MDGA2: variants seen among roughly 807,000 people sequenced by gnomAD.
MDGA2 encodes the protein MAM domain containing glycosylphosphatidylinositol anchor 2.
MDGA2 carries 40 observed loss-of-function variants against 117.8 expected under a neutral mutation model. That is an observed-to-expected ratio of 0.34 (90% confidence interval 0.26 to 0.44). The LOEUF (loss-of-function observed/expected upper bound fraction) is 0.44. Among genes scored for constraint, MDGA2 ranks in the 20% least tolerant of loss-of-function variants. The pLI is 1.00. For synonymous variants in MDGA2, 452 were observed against 439.0 expected (o/e 1.03, Z -0.37); for missense variants, 1,123 against 1,250.6 (o/e 0.90, Z 1.54).
intron 9 of MDGA2, among the ~76,000 whole-genome samples, chr14:46,926,157 C>T (rs1959813): frequency 0.63 from 96,150 of 151,954 alleles, 31,056 homozygotes; most frequent in African/African-American, 0.76. Context: ...TCTGAAATGA[C>T]TTTAACCAGT....
intron 3 of MDGA2, among the ~76,000 whole-genome samples, chr14:47,183,508 T>C (rs776535493): frequency 2.0e-5 from 3 of 152,136 alleles, no homozygotes; most frequent in Non-Finnish European, 4.4e-5. Flanking sequence ...TAGTTTACCT[T>C]TTCCTCCTAC....
intron 1 of MDGA2, among the ~76,000 whole-genome samples, chr14:47,507,201 T>A (rs1175518526): frequency 6.6e-6 from 1 of 152,068 alleles, no homozygotes; most frequent in Non-Finnish European, 1.5e-5. Context: ...AGAATCATGG[T>A]TATAACAAAG....
At chr14:47,603,721 G>A (rs1414956029) in intron 1 of MDGA2, among the ~76,000 whole-genome samples, 2 of 151,980 alleles carry the variant, frequency 1.3e-5, no homozygotes, top group Non-Finnish European at 2.9e-5. Context: ...TGATTTGGAT[G>A]TGTCCCCTCT....
intron 1 of MDGA2, among the ~76,000 whole-genome samples, chr14:47,575,935 G>C (rs1286943584): frequency 6.6e-6 from 1 of 152,024 alleles, no homozygotes; most frequent in Non-Finnish European, 1.5e-5. Context: ...GATGCATTTT[G>C]GAATTCAGTG....
chr14:47,339,287 CAA>C (rs1289536333), intron 1 of MDGA2, among the ~76,000 whole-genome samples: 1 of 151,970 alleles, frequency 6.6e-6, no homozygotes. Flanking sequence ...ACAAATAATA[CAA>C]AAAGAGATTT....
chr14:47,001,024 AC>A (rs1291278208), intron 8 of MDGA2, among the ~76,000 whole-genome samples: 8 of 152,076 alleles, frequency 5.3e-5, no homozygotes, highest in Admixed American at 1.3e-4. Context: ...AACATAAAAT[AC>A]TCAGACTTCG....
chr14:47,375,343 T>TTAAC (rs1891454087), intron 1 of MDGA2, among the ~76,000 whole-genome samples: 1 of 152,036 alleles, frequency 6.6e-6, no homozygotes, highest in African/African-American at 2.4e-5. Context: ...TAAAACCCAC[T>TTAAC]TAACGTCTTC....
chr14:47,488,383 A>T lies in MDGA2; in HGVS notation c.280+186134T>A, dbSNP rs140103821. ...TTTTGTTCATGCACCAGATTCAGGGAAATTATTATACTCTTTGACATCCCA... is the reference window on the plus strand; with the variant it reads ...TTTTGTTCATGCACCAGATTCAGGGTAATTATTATACTCTTTGACATCCCA... On this transcript the variant is annotated intron_variant, in intron 1 of 16. Transcript: ENST00000399232. Among the ~76,000 whole-genome samples, 185 of 152,260 alleles carry T rather than the reference A, an allele frequency of 1.2e-3. 1 individual carries two copies. The highest frequency in any genetic ancestry group is 4.3e-3 in the African/African-American group (179 of 41,582).
chr14:47,213,305 T>G (rs1251126945), intron 3 of MDGA2, among the ~76,000 whole-genome samples: 1 of 152,180 alleles, frequency 6.6e-6, no homozygotes, highest in African/African-American at 2.4e-5. Flanking sequence ...CCTGTGCCAT[T>G]TTGATTCCTA....
At chr14:47,357,162 C>A (rs1053169225) in intron 1 of MDGA2, among the ~76,000 whole-genome samples, 1 of 152,156 alleles carries the variant, frequency 6.6e-6, no homozygotes, top group African/African-American at 2.4e-5. Flanking sequence ...ATGTAATATA[C>A]CTAGGACAGT....
intron 2 of MDGA2, among the ~76,000 whole-genome samples, chr14:47,241,471 T>C (rs1159760863): frequency 6.6e-6 from 1 of 151,924 alleles, no homozygotes; most frequent in Non-Finnish European, 1.5e-5. Context: ...AATTATTGTG[T>C]TTGTTTTTTG....
At chr14:47,511,493 T>C (rs572779307) in intron 1 of MDGA2, among the ~76,000 whole-genome samples, 16 of 152,260 alleles carry the variant, frequency 1.1e-4, no homozygotes, top group African/African-American at 3.8e-4. Context: ...AGAGATTGTT[T>C]TGTTTATAAC....
At chr14:47,112,229 CT>C (rs1227447008) in intron 5 of MDGA2, among the ~76,000 whole-genome samples, 1 of 152,006 alleles carries the variant, frequency 6.6e-6, no homozygotes, top group Non-Finnish European at 1.5e-5. Context: ...TTTGCTTATG[CT>C]TTTTTAAAAA....
intron 1 of MDGA2, among the ~76,000 whole-genome samples, chr14:47,592,710 C>T (rs1896464141): frequency 6.6e-6 from 1 of 152,094 alleles, no homozygotes; most frequent in Non-Finnish European, 1.5e-5. Context: ...TGAACCATTT[C>T]CTTACACCTT....
intron 8 of MDGA2, chr14:46,960,359 G>C: frequency 6.6e-6 from 1 of 151,826 alleles, no homozygotes; most frequent in East Asian, 1.9e-4. Flanking sequence ...GACTTTCCTT[G>C]TGTCTGAAGT....
At chr14:47,630,124 TACAC>T (rs1362625109) in intron 1 of MDGA2, among the ~76,000 whole-genome samples, 10 of 149,492 alleles carry the variant, frequency 6.7e-5, no homozygotes, top group East Asian at 3.9e-4. Context: ...AAGGAAAAAA[TACAC>T]ACAAACACAC....
chr14:47,083,080 C>T (rs976830505), intron 6 of MDGA2, among the ~76,000 whole-genome samples: 3 of 151,580 alleles, frequency 2.0e-5, no homozygotes, highest in African/African-American at 7.3e-5. Flanking sequence ...GCACAAAATA[C>T]GTAAAGCTCA....
At chr14:46,845,590 A>G (rs1236195120) in intron 16 of MDGA2, among the ~76,000 whole-genome samples, 176 bp downstream of exon 16, 1 of 152,236 alleles carries the variant, frequency 6.6e-6, no homozygotes, top group East Asian at 1.9e-4. Context: ...TATGTCTACA[A>G]TTGAATTTAA....
chr14:46,959,068 A>C (rs1399390999), intron 8 of MDGA2, among the ~76,000 whole-genome samples: 1 of 152,178 alleles, frequency 6.6e-6, no homozygotes, highest in African/African-American at 2.4e-5. Context: ...CCTCTAAAAA[A>C]AGTTAAAAGT....
Sources: gnomAD v4.1 joint callset for allele counts (sites outside exome capture counted in the v4.1 genomes callset) on GRCh38, gnomAD v4.1.1 for gene constraint, MANE v1.5 for transcripts, NCBI Gene and HGNC (gene_info 2026-07-23, HGNC 2026-07-21) for gene names.